PKHD1: variants seen among roughly 807,000 people sequenced by gnomAD.
The protein encoded by PKHD1 is PKHD1 ciliary IPT domain containing fibrocystin/polyductin.
In PKHD1, 291 loss-of-function variants were observed where a neutral mutation model predicts 412.0. The observed-to-expected ratio is 0.71, with a 90% CI of 0.64 to 0.78. The LOEUF is 0.78. Among genes scored for constraint, PKHD1 ranks in the 30% least tolerant of loss-of-function variants. PKHD1 has a pLI of 0.00. For missense variants in PKHD1, 4,825 were observed against 4,950.7 expected, an observed-to-expected ratio of 0.97 and a Z score of 0.76; for synonymous variants, 1,777 against 1,821.5, an observed-to-expected ratio of 0.98 and a Z score of 0.62.
chr6:51,632,884 A>G (rs563103859), intron 64 of PKHD1, among the ~76,000 whole-genome samples, 161 bp from the exon 65 acceptor site: 61 of 152,234 alleles, frequency 4.0e-4, no homozygotes, highest in Non-Finnish European at 7.5e-4. Flanking sequence ...TAAATCCAAG[A>G]TTTATATTTC....
At chr6:51,656,081 T>C (rs1439064034) in intron 61 of PKHD1, among the ~76,000 whole-genome samples, 1 of 152,116 alleles carries the variant, frequency 6.6e-6, no homozygotes, top group Non-Finnish European at 1.5e-5. Flanking sequence ...AGCAAAGACT[T>C]GGAACCAACC....
At chr6:51,676,157 C>A (rs781707102) in intron 60 of PKHD1, among the ~76,000 whole-genome samples, 1 of 147,018 alleles carries the variant, frequency 6.8e-6, no homozygotes, top group Admixed American at 6.9e-5. Context: ...TCCTTCCTGT[C>A]GTGAAATGAG....
rs746914023 is a variant in PKHD1 at position 51,659,821 on chromosome 6, A to G, written c.10305T>C (p.Ser3435=). The G allele has an allele frequency of 6.8e-6, 11 of 1,613,756 alleles. No homozygotes were observed. Among genetic ancestry groups the G allele is most frequent in the South Asian group, 2.2e-5 (2 of 91,082 alleles). The change falls in exon 61 of 67, where the codon AGT becomes AGC. Residue 3435 remains serine (S), a synonymous_variant. Transcript: ENST00000371117. ...QKLYPVVSVT[S]GFVDVFSSVN... The stretch of plus-strand genomic sequence containing the variant: ...CACTGCTAAAGACATCAACAAAACC[A>G]CTAGTCACAGATACAACTGGATATA...
intron 60 of PKHD1, among the ~76,000 whole-genome samples, chr6:51,696,633 C>T (rs1269392208): frequency 1.3e-5 from 2 of 152,120 alleles, no homozygotes; most frequent in Non-Finnish European, 2.9e-5. Context: ...ATATCCTGCT[C>T]TAAAATCCAT....
rs201217304 is a variant in PKHD1 at position 51,897,182 on chromosome 6, G to A, written c.6996+6415C>T. Among the ~76,000 whole-genome samples the A allele has an allele frequency of 2.0e-5, 3 of 152,222 alleles. No individual in the cohort carries two copies. In the East Asian group the frequency reaches 5.8e-4, roughly 29 times the overall value. On this transcript the variant is annotated intron_variant, in intron 43 of 66. Coordinates refer to ENST00000371117, the MANE Select transcript of PKHD1 (RefSeq NM_138694.4). ...AGAGAACGCCACAAAGATATTCATC[G>A]AGAAGAGCAACTCCAAGACACATAA...
intron 52 of PKHD1, among the ~76,000 whole-genome samples, chr6:51,806,473 G>A (rs1763803984): frequency 6.6e-6 from 1 of 152,146 alleles, no homozygotes; most frequent in Non-Finnish European, 1.5e-5. Context: ...GAGAGAGCAA[G>A]AATAGAGGAT....
At chr6:51,922,941 C>T (rs1231825848) in intron 37 of PKHD1, among the ~76,000 whole-genome samples, 3 of 152,190 alleles carry the variant, frequency 2.0e-5, no homozygotes, top group African/African-American at 4.8e-5. Context: ...ACTCCATGGG[C>T]TGCATCCACT....
At chr6:51,638,406 T>C (rs781201957) in intron 64 of PKHD1, among the ~76,000 whole-genome samples, 30 of 152,168 alleles carry the variant, frequency 2.0e-4, no homozygotes, top group Non-Finnish European at 3.5e-4. Flanking sequence ...ATATGCAATT[T>C]ACATACCCCT....
chr6:52,074,959 A>G (rs1811147097), intron 6 of PKHD1, among the ~76,000 whole-genome samples: 1 of 152,212 alleles, frequency 6.6e-6, no homozygotes, highest in African/African-American at 2.4e-5. Context: ...GGCTTGGCAG[A>G]TCTGGGCGCC....
rs146475494 is a variant in PKHD1 at position 51,682,865 on chromosome 6, C to G, written c.10157-22896G>C. On this transcript the variant is annotated intron_variant, in intron 60 of 66. Transcript: ENST00000371117. ...TTGAAAACAGACAGGCTACCATGCA[C>G]CTCAGTTTCCTTATTATGCATACAA... 4.5e-3 allele frequency among the ~76,000 whole-genome samples: 679 copies of G among 152,096 alleles called. 5 individuals are homozygous for G. Among genetic ancestry groups the G allele is most frequent in the African/African-American group, 0.015 (630 of 41,508 alleles).
intron 60 of PKHD1, chr6:51,721,054 T>C (rs527714949): frequency 2.0e-6 from 2 of 983,114 alleles, no homozygotes; most frequent in Non-Finnish European, 2.4e-6. Flanking sequence ...AATAAGGCTC[T>C]GGGGGAACCA....
chr6:51,811,663 G>A (rs560444548), intron 52 of PKHD1, among the ~76,000 whole-genome samples: 3 of 152,246 alleles, frequency 2.0e-5, no homozygotes, highest in African/African-American at 7.2e-5. Flanking sequence ...AAGAGAGATG[G>A]TAATAGTGCT....
At chr6:51,908,721 G>A (rs763859254) in intron 40 of PKHD1, among the ~76,000 whole-genome samples, 1 of 151,912 alleles carries the variant, frequency 6.6e-6, no homozygotes, top group Non-Finnish European at 1.5e-5. Context: ...ATATCTTCAT[G>A]TCTGGCCAAG....
At chr6:51,993,110 G>A (rs113629425) in intron 35 of PKHD1, among the ~76,000 whole-genome samples, 2 of 152,324 alleles carry the variant, frequency 1.3e-5, no homozygotes, top group East Asian at 1.9e-4. Context: ...TATCTTCCCC[G>A]TGACAATTGT....
intron 61 of PKHD1, among the ~76,000 whole-genome samples, chr6:51,650,611 A>T (rs1179015971): frequency 6.6e-6 from 1 of 152,152 alleles, no homozygotes; most frequent in African/African-American, 2.4e-5. Flanking sequence ...ATTTGTTCTG[A>T]AAGAGGAAAT....
At chr6:52,062,806 G>T in intron 13 of PKHD1, 146 bp from the exon 14 acceptor site, 1 of 921,588 alleles carries the variant, frequency 1.1e-6, no homozygotes, top group Non-Finnish European at 1.7e-6. Flanking sequence ...GTAGTTATAT[G>T]AAAGGTTCTG....
chr6:51,912,341 A>G (rs564436077), intron 38 of PKHD1, 25 bp downstream of exon 38: 56 of 1,462,274 alleles, frequency 3.8e-5, no homozygotes, highest in South Asian at 2.8e-4. Flanking sequence ...TTCCATGTCA[A>G]CTTAGCCAAG....
intron 39 of PKHD1, among the ~76,000 whole-genome samples, chr6:51,910,953 G>A (rs1326129893): frequency 6.6e-6 from 1 of 151,996 alleles, no homozygotes; most frequent in Non-Finnish European, 1.5e-5. Flanking sequence ...AGCTCCCTTT[G>A]ACCTTTCTTC....
Position 51,903,664 on chromosome 6 carries a change from C to T in PKHD1, c.6929G>A (p.Gly2310Glu). 6.2e-7 allele frequency: 1 copy of T among 1,610,502 alleles called. No homozygotes were observed. Among genetic ancestry groups the T allele is most frequent in the South Asian group, 1.1e-5 (1 of 91,002 alleles). Residue 2310 changes from glycine to glutamate, a missense_variant, in exon 43 of 67, where the codon GGA becomes GAA. Physicochemically the swap from Gly to Glu is moderately conservative, Grantham distance 98. Coordinates refer to ENST00000371117, the MANE Select transcript of PKHD1 (RefSeq NM_138694.4). The stretch of plus-strand genomic sequence containing the variant: ...TGTCAACATTTCAGGATTGGAGAGT[C>T]CCTCGGCACCAGAAACCTGGATGAT... ...NVIIQVSGAE[G>E]LSNPEMLTPS...
Sources: allele counts gnomAD v4.1 joint callset (sites outside exome capture counted in the v4.1 genomes callset), GRCh38; gene constraint gnomAD v4.1.1; transcripts MANE v1.5; gene names NCBI Gene and HGNC (gene_info 2026-07-23, HGNC 2026-07-21).